RCOR3: variants seen among roughly 807,000 people sequenced by gnomAD.
The protein encoded by RCOR3 is REST corepressor 3.
A neutral mutation model predicts 64.1 loss-of-function variants in RCOR3; 13 were observed. The ratio of observed to expected loss-of-function variants is 0.20; its 90% confidence interval spans 0.13 to 0.32. The LOEUF is 0.32. RCOR3 is among the 10% of genes least tolerant of loss of function. RCOR3 has a pLI of 1.00. For synonymous variants in RCOR3, 215 were observed against 239.0 expected, an observed-to-expected ratio of 0.90 and a Z score of 0.93; for missense variants, 489 against 701.2, an observed-to-expected ratio of 0.70 and a Z score of 3.42.
At chr1:211,266,703 G>A (rs1695253347) in intron 2 of RCOR3, among the ~76,000 whole-genome samples, 1 of 152,198 alleles carries the variant, frequency 6.6e-6, no homozygotes, top group Non-Finnish European at 1.5e-5. Context: ...CTTAAATATT[G>A]TTACTGTTAA....
chr1:211,260,984 A>C (rs1036832525), intron 2 of RCOR3: 1 of 152,334 alleles, frequency 6.6e-6, no homozygotes, highest in Non-Finnish European at 1.5e-5. Flanking sequence ...AGAGTTCCGC[A>C]TATGGAGGCG....
At chr1:211,278,311 C>G (rs772984633) in intron 6 of RCOR3, 70 bp downstream of exon 6, 3 of 1,507,294 alleles carry the variant, frequency 2.0e-6, no homozygotes, top group Non-Finnish European at 2.7e-6. Context: ...TTTCCTAAGG[C>G]AGAAAAGTTA....
chr1:211,295,609 T>C, intron 8 of RCOR3, 67 bp from the exon 9 acceptor site: 1 of 1,287,456 alleles, frequency 7.8e-7, no homozygotes, highest in East Asian at 2.3e-5. Context: ...TCTTTTCACT[T>C]AATTGAGTAC....
chr1:211,313,555 C>T lies in RCOR3; in HGVS notation c.1449C>T (p.Ala483=), dbSNP rs1262578258. ...PPLLRPTLPA[A]PALHRQPPPL... The stretch of plus-strand genomic sequence containing the variant: ...TTCTTCGTCCAACACTGCCTGCTGC[C>T]CCGGCTCTTCACCGGCAGCCTCCTC... The change falls in exon 12 of 12, where the codon GCC becomes GCT. Residue 483 remains alanine, a synonymous_variant. Coordinates refer to ENST00000419091, the MANE Select transcript of RCOR3 (RefSeq NM_001136223.3). The surrounding 1 kb of genome is among the most constrained non-coding windows in gnomAD (Gnocchi z 4.7). 2.5e-6 allele frequency: 4 copies of T among 1,614,102 alleles called. No homozygotes were observed. Among genetic ancestry groups the T allele is most frequent in the Admixed American group, 3.3e-5 (2 of 60,010 alleles).
At chr1:211,301,946 C>T (rs916219540) in intron 9 of RCOR3, 5 of 152,044 alleles carry the variant, frequency 3.3e-5, no homozygotes, top group Non-Finnish European at 7.4e-5. Context: ...TGCCAGATGC[C>T]TTTTTAGATA....
chr1:211,272,378 T>A (rs1480969270), intron 3 of RCOR3, among the ~76,000 whole-genome samples: 1 of 152,218 alleles, frequency 6.6e-6, no homozygotes, highest in Admixed American at 6.5e-5. Flanking sequence ...CTGGCTTAGT[T>A]CTGTTTTACA....
At chr1:211,276,642 CAT>C (rs1332469886) in intron 5 of RCOR3, among the ~76,000 whole-genome samples, 2 of 152,038 alleles carry the variant, frequency 1.3e-5, no homozygotes, top group Non-Finnish European at 2.9e-5. Flanking sequence ...ACTTAAATAA[CAT>C]GTAATAATAT....
At position 211,259,486 on chromosome 1, in the gene RCOR3, C is replaced by A; in HGVS notation, c.-75C>A. Reference sequence around the variant, plus strand: ...TCCTCCTCCTCCTTTCCCTCCCGCCCGCGCTCTAAGCCATCTCCGCCTTCA... The same window carrying A: ...TCCTCCTCCTCCTTTCCCTCCCGCCAGCGCTCTAAGCCATCTCCGCCTTCA... On this transcript the variant is annotated 5_prime_UTR_variant, in exon 1 of 12. Coordinates refer to ENST00000419091, the MANE Select transcript of RCOR3 (RefSeq NM_001136223.3). The A allele has an allele frequency of 6.9e-7, 1 of 1,456,424 alleles. No individual in the cohort carries two copies. Among genetic ancestry groups the A allele is most frequent in the Non-Finnish European group, 9.2e-7 (1 of 1,083,168 alleles). The allele number at this position is 1,456,424 out of a possible 1,614,324, so 90.2% of individuals were successfully genotyped here. A position where few individuals can be genotyped will look rare whatever the true frequency, so the allele number is the denominator to read the frequency against.
At chr1:211,309,386 T>C (rs967959403) in intron 10 of RCOR3, among the ~76,000 whole-genome samples, 1 of 152,220 alleles carries the variant, frequency 6.6e-6, no homozygotes, top group Non-Finnish European at 1.5e-5. Flanking sequence ...TAAAATGTAA[T>C]GATAACAGAA....
intron 3 of RCOR3, among the ~76,000 whole-genome samples, 187 bp from the exon 4 acceptor site, chr1:211,274,022 TA>T (rs1170442204): frequency 2.6e-5 from 4 of 152,146 alleles, no homozygotes; most frequent in African/African-American, 9.6e-5. Context: ...AATAAAATTT[TA>T]AACCAGGTGA....
At position 211,315,171 on chromosome 1, in the gene RCOR3, T is replaced by C. The variant is rs1701800695; in HGVS notation, c.*1403T>C. On this transcript the variant is annotated 3_prime_UTR_variant, in exon 12 of 12. Coordinates refer to ENST00000419091, the MANE Select transcript of RCOR3 (RefSeq NM_001136223.3). The stretch of plus-strand genomic sequence containing the variant: ...CAAAGGGACAGACAGATCACTTAGA[T>C]TGCTATACTAGTGGACATAGGCTAC... 6.6e-6 allele frequency: 1 copy of C among 152,228 alleles called. No individual in the cohort carries two copies. The allele number at this position is 152,228 out of a possible 1,614,324, so 9.4% of individuals were successfully genotyped here. A position where few individuals can be genotyped will look rare whatever the true frequency, so the allele number is the denominator to read the frequency against.
At chr1:211,309,632 A>G (rs556053362) in intron 10 of RCOR3, among the ~76,000 whole-genome samples, 3 of 152,326 alleles carry the variant, frequency 2.0e-5, no homozygotes, top group African/African-American at 4.8e-5. Context: ...TTTAACAACT[A>G]TGGTTCAAGC....
At position 211,278,189 on chromosome 1, in the gene RCOR3, T is replaced by G; in HGVS notation, c.589T>G (p.Leu197Val). 3.1e-6 allele frequency: 5 copies of G among 1,613,142 alleles called. No homozygotes were observed. Among genetic ancestry groups the G allele is most frequent in the Non-Finnish European group, 4.2e-6 (5 of 1,179,744 alleles). Residue 197 changes from leucine (L) to valine (V), a missense_variant, in exon 6 of 12, where the codon TTG becomes GTG. Leu to Val is a conservative substitution (Grantham distance 32). Around this residue, in one of 2 missense-constraint regions of RCOR3, gnomAD observed 402 missense variants for 617.0 expected, o/e 0.65. Coordinates refer to ENST00000419091, the MANE Select transcript of RCOR3 (RefSeq NM_001136223.3). ...GAAAAAAACTCGCTCTAGGACAAGT[T>G]TGATGGATCGCCAGGCTCGTAAACT... ...SWKKTRSRTS[L>V]MDRQARKLAN...
chr1:211,266,276 T>C (rs1475206737), intron 2 of RCOR3, among the ~76,000 whole-genome samples: 1 of 152,152 alleles, frequency 6.6e-6, no homozygotes, highest in Non-Finnish European at 1.5e-5. Flanking sequence ...GTTCTTTATA[T>C]AGTATATTTG....
intron 2 of RCOR3, among the ~76,000 whole-genome samples, chr1:211,261,754 TA>T (rs1367254014): frequency 1.3e-5 from 2 of 151,596 alleles, no homozygotes; most frequent in East Asian, 3.9e-4. Flanking sequence ...ACCCCGTCTC[TA>T]CTAAAAATAC....
Position 211,313,508 on chromosome 1 carries a change from A to G in RCOR3, c.1402A>G (p.Thr468Ala), listed in dbSNP as rs1427210307. The G allele has an allele frequency of 6.2e-7, 1 of 1,613,826 alleles. No individual in the cohort carries two copies. The highest frequency in any genetic ancestry group is 1.7e-5 in the Admixed American group (1 of 59,966). ...TCCAACACCAACAGCCCCTATTGCC[A>G]CTCTGAACCAGCCTCCACCACTTCT... ...STPTPTAPIA[T>A]LNQPPPLLRP... Residue 468 changes from threonine to alanine, a missense_variant, in exon 12 of 12, where the codon ACT becomes GCT. By Grantham distance (58) the Thr-to-Ala change is moderately conservative. This residue lies in a region of RCOR3 where 402 missense variants were observed against 617.0 expected (regional missense o/e 0.65). Coordinates refer to ENST00000419091, the MANE Select transcript of RCOR3 (RefSeq NM_001136223.3). The surrounding 1 kb of genome is among the most constrained non-coding windows in gnomAD (Gnocchi z 4.7).
In RCOR3 at chr1:211,289,044, A is replaced by G. The variant is rs887036164; in HGVS notation, c.721-134A>G. 6.9e-5 allele frequency: 46 copies of G among 664,322 alleles called. No homozygotes were observed. In the Admixed American group the frequency reaches 1.1e-3, roughly 16 times the overall value. 41.2% of individuals were successfully genotyped at this position (664,322 alleles called of 1,614,324 possible). A position where few individuals can be genotyped will look rare whatever the true frequency, so the allele number is the denominator to read the frequency against. ...TGTGTGTGTGTGTATGGACTTGTAC[A>G]TAATATATAATTGGTTAGAAGTGTT... On this transcript the variant is annotated intron_variant, in intron 7 of 11. Coordinates refer to ENST00000419091, the MANE Select transcript of RCOR3 (RefSeq NM_001136223.3).
Position 211,278,121 on chromosome 1 carries a change from C to T in RCOR3, c.521C>T (p.Pro174Leu). 1 of 1,586,486 alleles carries T rather than the reference C, an allele frequency of 6.3e-7. No individual in the cohort carries two copies. The highest frequency in any genetic ancestry group is 1.2e-5 in the South Asian group (1 of 86,138). Residue 174 changes from proline (P) to leucine (L), a missense_variant, in exon 6 of 12, where the codon CCA becomes CTA. Physicochemically the swap from Pro to Leu is moderately conservative, Grantham distance 98. Around this residue, in one of 2 missense-constraint regions of RCOR3, gnomAD observed 402 missense variants for 617.0 expected, o/e 0.65. Coordinates refer to ENST00000419091, the MANE Select transcript of RCOR3 (RefSeq NM_001136223.3). The part of the protein sequence containing the change: ...KSFHRIQQML[P>L]DKTIASLVKY... ...ATTAACATGATTTTTTTTAAGCTTC[C>T]AGATAAGACAATTGCAAGCCTTGTA...
At chr1:211,287,600 T>C (rs150817287) in intron 7 of RCOR3, among the ~76,000 whole-genome samples, 104 of 152,296 alleles carry the variant, frequency 6.8e-4, no homozygotes, top group African/African-American at 2.4e-3. Context: ...AATAAATTTT[T>C]AGTGGGTGCA....
Sources: allele counts gnomAD v4.1 joint callset (sites outside exome capture counted in the v4.1 genomes callset), GRCh38; gene constraint gnomAD v4.1.1; regional missense constraint gnomAD v4.1.1; non-coding constraint Gnocchi (gnomAD v3.1); transcripts MANE v1.5; gene names NCBI Gene and HGNC (gene_info 2026-07-23, HGNC 2026-07-21).